Variants in THEMIS2 observed in about 807,000 individuals in gnomAD.
THEMIS2 encodes thymocyte selection associated family member 2.
Under a neutral mutation model 46.8 loss-of-function variants are expected in THEMIS2, and 29 were observed. The observed-to-expected ratio is 0.62, with a 90% CI of 0.46 to 0.84. THEMIS2 has a LOEUF of 0.84. Ranked by LOEUF, THEMIS2 falls within the 40% of genes least tolerant of loss-of-function variation. The pLI, the probability that THEMIS2 is intolerant of heterozygous loss-of-function variation, is 0.00. For synonymous variants in THEMIS2, 335 were observed against 349.1 expected (o/e 0.96, Z 0.45); for missense variants, 698 against 834.7 (o/e 0.84, Z 2.02).
chr1:27,881,064 G>A (rs2089669874), intron 3 of THEMIS2, among the ~76,000 whole-genome samples: 1 of 151,916 alleles, frequency 6.6e-6, no homozygotes, highest in Admixed American at 6.6e-5. Context: ...ACAGGCGTGA[G>A]CCACCGAGCA....
chr1:27,876,192 T>C (rs2089575061), intron 1 of THEMIS2, among the ~76,000 whole-genome samples: 1 of 150,564 alleles, frequency 6.6e-6, no homozygotes, highest in African/African-American at 2.4e-5. Flanking sequence ...CCAACTCCCT[T>C]AGTGTACAGC....
rs2089689843 is a variant in THEMIS2, at chr1:27,882,090, G to A, written c.766G>A (p.Glu256Lys). Reference protein sequence around the residue: ...PLLLSEVLAWEGPFPLSMEIL... With the variant: ...PLLLSEVLAWKGPFPLSMEIL... ...GCTGCTGAGCGAGGTCCTGGCCTGGGAAGGCCCTTTCCCCCTGTCCATGGA... is the reference window on the plus strand; with the variant it reads ...GCTGCTGAGCGAGGTCCTGGCCTGGAAAGGCCCTTTCCCCCTGTCCATGGA... The change falls in exon 4 of 6, where the codon GAA (glutamate) becomes AAA (lysine). Residue 256 changes from glutamate to lysine, a missense_variant. Coordinates refer to ENST00000373921, the MANE Select transcript of THEMIS2 (RefSeq NM_001105556.3). This position sits in a 1 kb window ranked among gnomAD's most constrained non-coding sequence, Gnocchi z 7.6. The A allele has an allele frequency of 6.2e-7, 1 of 1,614,096 alleles. No homozygotes were observed. Among genetic ancestry groups the A allele is most frequent in the Admixed American group, 1.7e-5 (1 of 60,014 alleles).
chr1:27,873,784 C>CT (rs776938845), intron 1 of THEMIS2, among the ~76,000 whole-genome samples: 2 of 152,162 alleles, frequency 1.3e-5, no homozygotes, highest in Non-Finnish European at 2.9e-5. Context: ...TCCCAGCACC[C>CT]TTTGCCTGCT....
At position 27,882,105 on chromosome 1, in the gene THEMIS2, CT is replaced by C. The variant is rs1411241812; in HGVS notation, c.782del (p.Leu261ArgfsTer34). ...CCTGGCCTGGGAAGGCCCTTTCCCC[CT>C]GTCCATGGAGATCCTGGAGGTTCCT... ...EVLAWEGPFP[L>X]SMEILEVPEG... On this transcript the variant is annotated frameshift_variant, in exon 4 of 6. Transcript: ENST00000373921. LOFTEE classifies it high-confidence loss of function. The surrounding 1 kb of genome is among the most constrained non-coding windows in gnomAD (Gnocchi z 7.6). The C allele has an allele frequency of 1.9e-6, 3 of 1,614,214 alleles. No homozygotes were observed. The highest frequency in any genetic ancestry group is 2.2e-5 in the East Asian group (1 of 44,876).
intron 1 of THEMIS2, among the ~76,000 whole-genome samples, chr1:27,873,406 G>A (rs1297875428): frequency 5.9e-5 from 9 of 152,166 alleles, no homozygotes; most frequent in Non-Finnish European, 1.2e-4. Context: ...GGGAGGACCC[G>A]TGGGCCACCG....
rs377354973 is a variant in THEMIS2, at chr1:27,882,832, G to A, written c.1508G>A (p.Arg503Gln). The A allele has an allele frequency of 2.0e-4, 329 of 1,613,778 alleles. No homozygotes were observed. Among genetic ancestry groups the A allele is most frequent in the Non-Finnish European group, 2.6e-4 (310 of 1,179,916 alleles). Residue 503 changes from arginine (R) to glutamine (Q), a missense_variant, in exon 4 of 6, where the codon CGG becomes CAG. Coordinates refer to ENST00000373921, the MANE Select transcript of THEMIS2 (RefSeq NM_001105556.3). The surrounding 1 kb of genome is among the most constrained non-coding windows in gnomAD (Gnocchi z 7.6). ...EPGMCFEIPP[R>Q]WLDLTVVKAK... ...GGGATGTGCTTTGAGATCCCTCCCC[G>A]GTGGCTGGACCTGACTGTTGTGAAG...
In THEMIS2 at chr1:27,882,174, CA is replaced by C; in HGVS notation, c.855del (p.Gly286AlafsTer9). 1 of 1,613,420 alleles carries C rather than the reference CA, an allele frequency of 6.2e-7. No homozygotes were observed. Among genetic ancestry groups the C allele is most frequent in the Non-Finnish European group, 8.5e-7 (1 of 1,179,788 alleles). ...CCTCAGCCCGTGGGTGGGCTCCTTG[CA>C]AAAAGGCCAGAGGCTTTGCGTCTAT... ...IFLSPWVGSL[Q>X]KGQRLCVYGL... On this transcript the variant is annotated frameshift_variant, in exon 4 of 6. Coordinates refer to ENST00000373921, the MANE Select transcript of THEMIS2 (RefSeq NM_001105556.3). LOFTEE classifies it high-confidence loss of function. The surrounding 1 kb of genome is among the most constrained non-coding windows in gnomAD (Gnocchi z 7.6).
intron 3 of THEMIS2, among the ~76,000 whole-genome samples, chr1:27,880,506 A>G (rs1368489608): frequency 1.3e-5 from 2 of 152,058 alleles, no homozygotes; most frequent in Non-Finnish European, 2.9e-5. Flanking sequence ...ATTGATGCTC[A>G]AATTATCTCG....
At position 27,879,796 on chromosome 1, in the gene THEMIS2, C is replaced by G. The variant is rs1349562715; in HGVS notation, c.388C>G (p.Leu130Val). The change falls in exon 3 of 6, where the codon CTC (leucine) becomes GTC (valine). Residue 130 changes from leucine to valine, a missense_variant. Coordinates refer to ENST00000373921, the MANE Select transcript of THEMIS2 (RefSeq NM_001105556.3). ...CAGGGTGGTGACTGAGGACCAGCTC[C>G]TCATGCTTGAGGCTGTGGTGATGCA... ...EGRVVTEDQL[L>V]MLEAVVMHLG... 2.5e-6 allele frequency: 4 copies of G among 1,614,134 alleles called. No homozygotes were observed. The highest frequency in any genetic ancestry group is 3.4e-6 in the Non-Finnish European group (4 of 1,179,988).
At chr1:27,873,063 C>T (rs903068286) in intron 1 of THEMIS2, among the ~76,000 whole-genome samples, 4 of 152,018 alleles carry the variant, frequency 2.6e-5, no homozygotes, top group African/African-American at 7.3e-5. Flanking sequence ...TGTCCTCCCA[C>T]TCCTCCCCCG....
Position 27,885,345 on chromosome 1 carries a change from G to A in THEMIS2, c.1770G>A (p.Lys590=). ...AACACGCTCGGCTGCCCAAACCCAA[G>A]GCGAAGACCTTGCCAGAGTTCATCA... ...LQQHARLPKP[K]AKTLPEFIKD... Residue 590 remains lysine (K), a synonymous_variant, in exon 5 of 6, where the codon AAG becomes AAA. Transcript: ENST00000373921. 3 of 1,614,194 alleles carry A rather than the reference G, an allele frequency of 1.9e-6. No homozygotes were observed. The highest frequency in any genetic ancestry group is 2.5e-6 in the Non-Finnish European group (3 of 1,180,032).
chr1:27,874,418 A>G (rs1448344355), intron 1 of THEMIS2, among the ~76,000 whole-genome samples: 2 of 151,920 alleles, frequency 1.3e-5, no homozygotes, highest in Non-Finnish European at 2.9e-5. Context: ...AGGTGGGAAG[A>G]TTGCTTGAGC....
rs559766306 is a variant in THEMIS2 at position 27,881,981 on chromosome 1, C to T, written c.657C>T (p.Thr219=). The T allele has an allele frequency of 6.2e-7, 1 of 1,612,270 alleles. No individual in the cohort carries two copies. Among genetic ancestry groups the T allele is most frequent in the African/African-American group, 1.3e-5 (1 of 75,052 alleles). The change falls in exon 4 of 6, where the codon ACC becomes ACT. Residue 219 remains threonine, a synonymous_variant. Transcript: ENST00000373921. The part of the protein sequence containing the change: ...EIQAIMHMRR[T]IVKIPSTLEV... ...TGCCCCTCTCCACAGTGCGCAGGACCATTGTCAAGATCCCTTCTACCCTGG... is the reference window on the plus strand; with the variant it reads ...TGCCCCTCTCCACAGTGCGCAGGACTATTGTCAAGATCCCTTCTACCCTGG...
chr1:27,881,542 C>T (rs539922578), intron 3 of THEMIS2, among the ~76,000 whole-genome samples: 21 of 149,936 alleles, frequency 1.4e-4, no homozygotes, highest in East Asian at 1.0e-3. Flanking sequence ...AAGATGGCAG[C>T]GGGGGCCGGG....
In THEMIS2 at chr1:27,882,543, G is replaced by A; in HGVS notation, c.1219G>A (p.Glu407Lys). ...GAGTGACCAGGCTGGGGAGGATGAG[G>A]AGGAAGAGTGCAAAGAGGAGGCAGA... is the stretch of plus-strand genomic sequence containing the variant. ...RLSDQAGEDE[E>K]EECKEEAESP... The change falls in exon 4 of 6, where the codon GAG becomes AAG. Residue 407 changes from glutamate (E) to lysine (K), a missense_variant. Coordinates refer to ENST00000373921, the MANE Select transcript of THEMIS2 (RefSeq NM_001105556.3). The surrounding 1 kb of genome is among the most constrained non-coding windows in gnomAD (Gnocchi z 7.6). The A allele has an allele frequency of 1.2e-6, 2 of 1,614,168 alleles. No individual in the cohort carries two copies. Among genetic ancestry groups the A allele is most frequent in the East Asian group, 2.2e-5 (1 of 44,862 alleles).
intron 2 of THEMIS2, among the ~76,000 whole-genome samples, chr1:27,877,552 C>T (rs2089603727): frequency 1.3e-5 from 2 of 152,070 alleles, no homozygotes; most frequent in African/African-American, 2.4e-5. Flanking sequence ...TGATCTCGAT[C>T]TCCTGACCTC....
intron 2 of THEMIS2, among the ~76,000 whole-genome samples, chr1:27,878,995 T>C (rs1442134640): frequency 6.6e-6 from 1 of 152,128 alleles, no homozygotes; most frequent in Non-Finnish European, 1.5e-5. Context: ...TCCCAGCTTG[T>C]GCAGTGTTTC....
Position 27,880,062 on chromosome 1 carries a change from GC to G in THEMIS2, c.646+10del. The G allele has an allele frequency of 6.3e-7, 1 of 1,585,532 alleles. No individual in the cohort carries two copies. The highest frequency in any genetic ancestry group is 1.1e-5 in the South Asian group (1 of 89,164). On this transcript the variant is annotated intron_variant, in intron 3 of 5. Coordinates refer to ENST00000373921, the MANE Select transcript of THEMIS2 (RefSeq NM_001105556.3). ...TCCAAGCCATCATGCACAGTGAGTT[GC>G]CTGGGCAGATGGATGCGCGCTGCTG...
Position 27,882,074 on chromosome 1 carries a change from C to A in THEMIS2, c.750C>A (p.Ser250Arg). The change falls in exon 4 of 6, where the codon AGC becomes AGA. Residue 250 changes from serine to arginine, a missense_variant. Transcript: ENST00000373921. This position sits in a 1 kb window ranked among gnomAD's most constrained non-coding sequence, Gnocchi z 7.6. ...HVHFIKPLLL[S>R]EVLAWEGPFP... ...ACTTTATCAAACCGCTGCTGCTGAG[C>A]GAGGTCCTGGCCTGGGAAGGCCCTT... The A allele has an allele frequency of 6.2e-7, 1 of 1,614,234 alleles. No individual in the cohort carries two copies. The highest frequency in any genetic ancestry group is 1.3e-5 in the African/African-American group (1 of 75,072).
Sources: gnomAD v4.1 joint callset for allele counts (sites outside exome capture counted in the v4.1 genomes callset) on GRCh38, gnomAD v4.1.1 for gene constraint, Gnocchi (gnomAD v3.1) non-coding constraint, MANE v1.5 for transcripts, NCBI Gene and HGNC (gene_info 2026-07-23, HGNC 2026-07-21) for gene names.